The following SIGLECL1 variants were observed in gnomAD, a reference collection of about 807,000 sequenced individuals.
The protein encoded by SIGLECL1 is SIGLEC family-like protein 1.
In SIGLECL1, 16 loss-of-function variants were observed where a neutral mutation model predicts 19.1. The ratio of observed to expected loss-of-function variants is 0.84; its 90% CI spans 0.57 to 1.27. The LOEUF (loss-of-function observed/expected upper bound fraction) is 1.27. SIGLECL1 is among the 50% of genes most tolerant of loss of function. The probability of loss-of-function intolerance (pLI) is 0.00; values close to 1 mark genes in which losing one functional copy is unlikely to be tolerated. For missense variants in SIGLECL1, 210 were observed against 239.4 expected (o/e 0.88, Z 0.81); for synonymous variants, 89 against 90.4 (o/e 0.98, Z 0.09).
upstream of SIGLECL1, among the ~76,000 whole-genome samples, chr19:51,249,600 G>A (rs1982375929): frequency 6.6e-6 from 1 of 152,136 alleles, no homozygotes; most frequent in Non-Finnish European, 1.5e-5. Context: ...ATAGGGAGTG[G>A]AGGTCTCCCA....
At chr19:51,268,532 A>G in intron 5 of SIGLECL1, 39 bp from the exon 6 acceptor site, 3 of 1,612,578 alleles carry the variant, frequency 1.9e-6, no homozygotes, top group Non-Finnish European at 2.5e-6. Flanking sequence ...CTGTTCCAAC[A>G]TTCTTTTTTC....
intron 1 of SIGLECL1, among the ~76,000 whole-genome samples, chr19:51,257,186 G>A (rs940184291): frequency 2.6e-5 from 4 of 151,946 alleles, no homozygotes; most frequent in African/African-American, 7.3e-5. Context: ...GTGGGAGGAC[G>A]GCTTGAGCCT....
Position 51,268,714 on chromosome 19 carries a change from G to T in SIGLECL1, c.*117G>T. 1 of 956,294 alleles carries T rather than the reference G, an allele frequency of 1.0e-6. No homozygotes were observed. The highest frequency in any genetic ancestry group is 1.6e-5 in the South Asian group (1 of 61,558). The allele number at this position is 956,294 out of a possible 1,614,324, so 59.2% of individuals were successfully genotyped here. A position where few individuals can be genotyped will look rare whatever the true frequency, so the allele number is the denominator to read the frequency against. On this transcript the variant is annotated 3_prime_UTR_variant, in exon 6 of 6. Transcript: ENST00000601727. ...GCTGTAATAAACCTGGAGCCCCCTG[G>T]ACTCTCCTCAGCTCACAAAACCCTC...
intron 1 of SIGLECL1, among the ~76,000 whole-genome samples, chr19:51,261,312 G>T (rs370463852): frequency 6.6e-6 from 1 of 151,796 alleles, no homozygotes; most frequent in East Asian, 1.9e-4. Context: ...TTTTTGAGAC[G>T]GAGTCTTGCT....
upstream of SIGLECL1, among the ~76,000 whole-genome samples, chr19:51,249,743 C>T (rs959451613): frequency 2.0e-5 from 3 of 152,068 alleles, no homozygotes; most frequent in Admixed American, 6.5e-5. Flanking sequence ...TGATCCAGAC[C>T]CCAAGAGAGG....
At position 51,264,083 on chromosome 19, in the gene SIGLECL1, T is replaced by A; in HGVS notation, c.11T>A (p.Leu4Gln). The A allele has an allele frequency of 1.9e-6, 3 of 1,614,050 alleles. No homozygotes were observed. The highest frequency in any genetic ancestry group is 2.5e-6 in the Non-Finnish European group (3 of 1,179,972). ...TTGCTGCTGGAAGTGATGCTTCCAC[T>A]GCTACAGCTGGGTAAGTAAGGTGAG... MLP[L>Q]LQLVPAKLLN... Residue 4 changes from leucine to glutamine, a missense_variant, in exon 2 of 6, where the codon CTG (leucine) becomes CAG (glutamine). Physicochemically the swap from Leu to Gln is moderately radical, Grantham distance 113. Coordinates refer to ENST00000601727, the MANE Select transcript of SIGLECL1 (RefSeq NM_001385465.1).
At chr19:51,260,975 T>C (rs1983170135) in intron 1 of SIGLECL1, among the ~76,000 whole-genome samples, 1 of 152,234 alleles carries the variant, frequency 6.6e-6, no homozygotes, top group Non-Finnish European at 1.5e-5. Flanking sequence ...ATTCCAATAG[T>C]CTGTTTGTTC....
At chr19:51,253,944 A>G (rs1982644271) in intron 1 of SIGLECL1, among the ~76,000 whole-genome samples, 1 of 152,188 alleles carries the variant, frequency 6.6e-6, no homozygotes, top group Admixed American at 6.5e-5. Context: ...ACGTCTCTAG[A>G]GTTGTAAATG....
At chr19:51,267,269 T>C in intron 4 of SIGLECL1, 104 bp from the exon 5 acceptor site, 2 of 1,393,586 alleles carry the variant, frequency 1.4e-6, no homozygotes, top group South Asian at 2.7e-5. Context: ...AGCAAGCTGG[T>C]ACTGTTGTTG....
intron 1 of SIGLECL1, chr19:51,257,824 A>G (rs1982916012): frequency 6.6e-6 from 1 of 152,240 alleles, no homozygotes; most frequent in African/African-American, 2.4e-5. Flanking sequence ...GAGGAGCTGG[A>G]TGCTAAGATC....
chr19:51,246,845 G>A (rs1406879543), upstream of SIGLECL1, among the ~76,000 whole-genome samples: 1 of 152,106 alleles, frequency 6.6e-6, no homozygotes, highest in Non-Finnish European at 1.5e-5. Flanking sequence ...CAAGATAAGG[G>A]TAATCACCCC....
intron 1 of SIGLECL1, among the ~76,000 whole-genome samples, chr19:51,259,586 A>G (rs192120335): frequency 6.6e-6 from 1 of 152,330 alleles, no homozygotes; most frequent in Admixed American, 6.5e-5. Flanking sequence ...AAAATTTCCA[A>G]TGGAGAGACA....
At position 51,265,480 on chromosome 19, in the gene SIGLECL1, C is replaced by G; in HGVS notation, c.135C>G (p.Pro45=). ...PSVQWWMGGV[P]VGVDGMDGSL... The stretch of plus-strand genomic sequence containing the variant: ...TGCAGTGGTGGATGGGAGGAGTCCC[C>G]GTGGGTGTGGATGGCATGGATGGCA... Residue 45 remains proline (P), a synonymous_variant, in exon 3 of 6, where the codon CCC becomes CCG. Transcript: ENST00000601727. 1 of 1,614,114 alleles carries G rather than the reference C, an allele frequency of 6.2e-7. No homozygotes were observed. Among genetic ancestry groups the G allele is most frequent in the Non-Finnish European group, 8.5e-7 (1 of 1,180,026 alleles).
In SIGLECL1 at chr19:51,265,651, T is replaced by G. The variant is rs1983593503; in HGVS notation, c.304+2T>G. The G allele has an allele frequency of 3.7e-6, 6 of 1,612,194 alleles. No individual in the cohort carries two copies. Among genetic ancestry groups the G allele is most frequent in the Non-Finnish European group, 5.1e-6 (6 of 1,178,744 alleles). On this transcript the variant is annotated splice_donor_variant, in intron 3 of 5. Coordinates refer to ENST00000601727, the MANE Select transcript of SIGLECL1 (RefSeq NM_001385465.1). LOFTEE classifies it high-confidence loss of function. ...CTTTGAGCATCCTACTGATGTCAAGTGAGGGTGGAGGGGGCTCGGTGACTG... is the reference window on the plus strand; with the variant it reads ...CTTTGAGCATCCTACTGATGTCAAGGGAGGGTGGAGGGGGCTCGGTGACTG...
In SIGLECL1 at chr19:51,265,522, C is replaced by T. The variant is rs201947873; in HGVS notation, c.177C>T (p.Ser59=). Reference sequence around the variant, plus strand: ...TGGATGGCAGCCTCCAAGTGACTTCCACCATGCTTGGCCCCTGGGCTAACA... The same window carrying T: ...TGGATGGCAGCCTCCAAGTGACTTCTACCATGCTTGGCCCCTGGGCTAACA... The part of the protein sequence containing the change: ...DGMDGSLQVT[S]TMLGPWANST... The change falls in exon 3 of 6, where the codon TCC becomes TCT. Residue 59 remains serine, a synonymous_variant. Transcript: ENST00000601727. 5.6e-6 allele frequency: 9 copies of T among 1,614,022 alleles called. No homozygotes were observed. Among genetic ancestry groups the T allele is most frequent in the East Asian group, 2.2e-5 (1 of 44,884 alleles).
At chr19:51,257,793 A>G (rs1040900808) in intron 1 of SIGLECL1, 9 of 152,208 alleles carry the variant, frequency 5.9e-5, no homozygotes, top group African/African-American at 1.9e-4. Flanking sequence ...TTTGGATCAA[A>G]TGGTATCAGC....
At chr19:51,247,296 C>G (rs191041848), upstream of SIGLECL1, among the ~76,000 whole-genome samples, 1 of 152,222 alleles carries the variant, frequency 6.6e-6, no homozygotes. Context: ...TATCAGGGTG[C>G]AAAAAAGCAC....
At position 51,260,284 on chromosome 19, in the gene SIGLECL1, T is replaced by G. The variant is rs60302456; in HGVS notation, c.-190-3599T>G. On this transcript the variant is annotated intron_variant, in intron 1 of 5. Transcript: ENST00000601727. ...CAACTTTTAAAGGATTTTTACTACT[T>G]GTGTGTGCGTTCTTAAACACTTGAT... Among the ~76,000 whole-genome samples, 798 of 152,346 alleles carry G rather than the reference T, an allele frequency of 5.2e-3. 7 individuals are homozygous for G. The highest frequency in any genetic ancestry group is 0.017 in the African/African-American group (727 of 41,576).
chr19:51,249,985 CA>C (rs1259720982), upstream of SIGLECL1, among the ~76,000 whole-genome samples: 2 of 152,048 alleles, frequency 1.3e-5, no homozygotes, highest in African/African-American at 4.8e-5. Flanking sequence ...GTTGCCATGG[CA>C]TTTGTGAACC....
Sources: allele counts gnomAD v4.1 joint callset (sites outside exome capture counted in the v4.1 genomes callset), GRCh38; gene constraint gnomAD v4.1.1; transcripts MANE v1.5; gene names NCBI Gene and HGNC (gene_info 2026-07-23, HGNC 2026-07-21).